USP34: variants seen among roughly 807,000 people sequenced by gnomAD.
The protein encoded by USP34 is ubiquitin specific peptidase 34.
Under a neutral mutation model 460.3 loss-of-function variants are expected in USP34, and 70 were observed. That is an observed-to-expected ratio of 0.15 (90% CI 0.13 to 0.19). USP34 has a LOEUF of 0.19. Among genes scored for constraint, USP34 ranks in the 10% least tolerant of loss-of-function variants. The pLI, the probability that USP34 is intolerant of heterozygous loss-of-function variation, is 1.00. For missense variants in USP34, 3,985 were observed against 4,236.2 expected (o/e 0.94, Z 1.65); for synonymous variants, 1,647 against 1,405.3 (o/e 1.17, Z -3.85).
At chr2:61,385,269 A>G (rs937775591) in intron 5 of USP34, among the ~76,000 whole-genome samples, 7 of 152,218 alleles carry the variant, frequency 4.6e-5, no homozygotes, top group African/African-American at 1.2e-4. Flanking sequence ...TATTGTGAAG[A>G]TAATAGTTCT....
chr2:61,293,593 T>A (rs371956177), intron 32 of USP34, 43 bp from the exon 33 acceptor site: 1 of 1,451,578 alleles, frequency 6.9e-7, no homozygotes, highest in Non-Finnish European at 9.6e-7. Context: ...AAAGCAGATA[T>A]ATAATGCAAT....
At chr2:61,417,225 A>G (rs1694223063) in intron 2 of USP34, 4 of 1,458,424 alleles carry the variant, frequency 2.7e-6, no homozygotes, top group Admixed American at 1.7e-5. Context: ...GGTCAGAAAC[A>G]CGAACATACA....
rs1308740225 is a variant in USP34, at chr2:61,187,924, T to TG, written c.*177dup. On this transcript the variant is annotated 3_prime_UTR_variant, in exon 80 of 80. Transcript: ENST00000398571. The stretch of plus-strand genomic sequence containing the variant: ...TGCCCTTTAGGAAGTATACTGAAGA[T>TG]GCAAGTTTTTTTCATCTGGAGTTCT... The TG allele has an allele frequency of 4.9e-6, 7 of 1,430,728 alleles. No individual in the cohort carries two copies. The African/African-American group carries it at 1.0e-4, about 21-fold the overall frequency. The allele number at this position is 1,430,728 out of a possible 1,614,324, so 88.6% of individuals were successfully genotyped here.
At chr2:61,293,698 A>C in intron 32 of USP34, 148 bp from the exon 33 acceptor site, 2 of 596,188 alleles carry the variant, frequency 3.4e-6, no homozygotes, top group Non-Finnish European at 5.8e-6. Context: ...TTTCTAGACA[A>C]AATAATAAGA....
At chr2:61,405,568 T>C in intron 3 of USP34, 140 bp downstream of exon 3, 2 of 883,466 alleles carry the variant, frequency 2.3e-6, no homozygotes, top group African/African-American at 1.7e-5. Context: ...GAAGAAATGC[T>C]CTGGAGAAAC....
At position 61,317,776 on chromosome 2, in the gene USP34, G is replaced by T. The variant is rs764040553; in HGVS notation, c.3169-9C>A. ...GGTTTTAGCTGGGGCATCTTTGGAA[G>T]GGTAGGGGGAAACACAAAGCTAATT... On this transcript the variant is annotated splice_polypyrimidine_tract_variant and intron_variant, in intron 22 of 79. Coordinates refer to ENST00000398571, the MANE Select transcript of USP34 (RefSeq NM_014709.4). 1 of 1,605,076 alleles carries T rather than the reference G, an allele frequency of 6.2e-7. No individual in the cohort carries two copies. Among genetic ancestry groups the T allele is most frequent in the Admixed American group, 1.7e-5 (1 of 59,170 alleles).
chr2:61,209,873 GATCCCAA>G (rs1297796199), intron 69 of USP34, among the ~76,000 whole-genome samples: 1 of 152,132 alleles, frequency 6.6e-6, no homozygotes, highest in African/African-American at 2.4e-5. Flanking sequence ...AGATACTGAT[GATCCCAA>G]CCCTGCTAGG....
chr2:61,238,970 T>A (rs1209736963), intron 53 of USP34, among the ~76,000 whole-genome samples: 1 of 150,808 alleles, frequency 6.6e-6, no homozygotes, highest in Non-Finnish European at 1.5e-5. Flanking sequence ...TCATCATTAT[T>A]ATATATTATT....
chr2:61,248,489 G>A (rs1688483670), intron 49 of USP34, 22 bp downstream of exon 49: 2 of 1,528,902 alleles, frequency 1.3e-6, no homozygotes, highest in South Asian at 1.3e-5. Context: ...TCACAGACAA[G>A]AGAAAGAAAT....
intron 34 of USP34, among the ~76,000 whole-genome samples, chr2:61,286,923 T>C (rs893367956): frequency 1.3e-5 from 2 of 152,146 alleles, no homozygotes; most frequent in Non-Finnish European, 2.9e-5. Context: ...TCAATAAACA[T>C]TGGAATTATT....
At chr2:61,437,542 G>A (rs1038929978) in intron 1 of USP34, among the ~76,000 whole-genome samples, 1 of 152,152 alleles carries the variant, frequency 6.6e-6, no homozygotes, top group Non-Finnish European at 1.5e-5. Flanking sequence ...GGCAGGCTGA[G>A]GTAGGCAGAT....
At chr2:61,275,515 C>A (rs1261566413) in intron 41 of USP34, among the ~76,000 whole-genome samples, 1 of 151,524 alleles carries the variant, frequency 6.6e-6, no homozygotes, top group Non-Finnish European at 1.5e-5. Context: ...TCCTAGACAC[C>A]TGGGAGGTTG....
chr2:61,458,743 T>C (rs1181633767), intron 1 of USP34, among the ~76,000 whole-genome samples: 1 of 151,390 alleles, frequency 6.6e-6, no homozygotes, highest in Non-Finnish European at 1.5e-5. Flanking sequence ...AGCAACTATT[T>C]CAAACAGGGC....
chr2:61,205,487 G>A (rs754972159), intron 72 of USP34, among the ~76,000 whole-genome samples: 3 of 152,092 alleles, frequency 2.0e-5, no homozygotes, highest in Non-Finnish European at 4.4e-5. Flanking sequence ...GTGTAAAATA[G>A]TTACGGTCTC....
At chr2:61,259,534 C>T (rs1259111057) in intron 44 of USP34, among the ~76,000 whole-genome samples, 177 bp downstream of exon 44, 1 of 149,298 alleles carries the variant, frequency 6.7e-6, no homozygotes, top group Non-Finnish European at 1.5e-5. Context: ...ACTACAGGCA[C>T]GCACCACCAT....
rs1688261596 is a variant in USP34 at position 61,241,604 on chromosome 2, T to C, written c.6733A>G (p.Asn2245Asp). Residue 2245 changes from asparagine to aspartate, a missense_variant, in exon 53 of 80, where the codon AAT (asparagine) becomes GAT (aspartate). By Grantham distance (23) the Asn-to-Asp change is conservative. Transcript: ENST00000398571. ...FYKRMEPEEE[N>D]GREYKFDVSS... is the part of the protein sequence containing the mutation. ...ACATCAAATTTGTATTCTCTGCCAT[T>C]TTCTTCCTCTGGTTCCATGCGTTTG... 6.2e-7 allele frequency: 1 copy of C among 1,610,816 alleles called. No homozygotes were observed. Among genetic ancestry groups the C allele is most frequent in the Non-Finnish European group, 8.5e-7 (1 of 1,179,092 alleles).
intron 67 of USP34, among the ~76,000 whole-genome samples, chr2:61,216,864 G>C (rs985397913): frequency 6.6e-6 from 1 of 151,338 alleles, no homozygotes; most frequent in Non-Finnish European, 1.5e-5. Flanking sequence ...GCTGCAGTGA[G>C]CTGAGATTGC....
intron 2 of USP34, among the ~76,000 whole-genome samples, chr2:61,411,763 A>C (rs940498823): frequency 6.6e-6 from 1 of 152,222 alleles, no homozygotes; most frequent in Non-Finnish European, 1.5e-5. Flanking sequence ...AGTGGCCAAC[A>C]TCTGAGATGC....
At chr2:61,411,772 G>A (rs1291304321) in intron 2 of USP34, among the ~76,000 whole-genome samples, 1 of 152,186 alleles carries the variant, frequency 6.6e-6, no homozygotes, top group African/African-American at 2.4e-5. Context: ...CATCTGAGAT[G>A]CCCTGACCAC....
Sources: gnomAD v4.1 joint callset for allele counts (sites outside exome capture counted in the v4.1 genomes callset) on GRCh38, gnomAD v4.1.1 for gene constraint, MANE v1.5 for transcripts, NCBI Gene and HGNC (gene_info 2026-07-23, HGNC 2026-07-21) for gene names.